The following CSAD variants were observed in gnomAD, a reference collection of about 807,000 sequenced individuals.
CSAD encodes cysteine sulfinic acid decarboxylase.
CSAD carries 47 observed loss-of-function variants against 61.5 expected under a neutral mutation model. The observed-to-expected ratio is 0.76, with a 90% confidence interval of 0.60 to 0.97. The LOEUF (loss-of-function observed/expected upper bound fraction) is 0.97. CSAD is among the 50% of genes least tolerant of loss of function. The pLI is 0.00. For synonymous variants in CSAD, 245 were observed against 252.7 expected (o/e 0.97, Z 0.29); for missense variants, 611 against 643.6 (o/e 0.95, Z 0.55).
intron 1 of CSAD, chr12:53,179,709 C>T: frequency 7.6e-7 from 1 of 1,311,226 alleles, no homozygotes; most frequent in Non-Finnish European, 1.1e-6. Flanking sequence ...TTTTTTTCAT[C>T]ATACAGTTTT....
chr12:53,171,687 C>G (rs1940600130), intron 7 of CSAD, 195 bp downstream of exon 7: 1 of 617,528 alleles, frequency 1.6e-6, no homozygotes, highest in Non-Finnish European at 2.8e-6. Flanking sequence ...AGGAACTAGA[C>G]CACTGACCCC....
chr12:53,180,527 C>A (rs889838194), intron 1 of CSAD: 4 of 1,275,760 alleles, frequency 3.1e-6, no homozygotes, highest in Non-Finnish European at 4.1e-6. Flanking sequence ...CCTCAGCGCT[C>A]CCTCCTCCAT....
Position 53,159,711 on chromosome 12 carries a change from G to C in CSAD, c.1220C>G (p.Pro407Arg). ...CCAGAAACACACATTGACAAACTCA[G>C]GCTGAGAGGAATGAGAAAGAGGAAG... is the stretch of plus-strand genomic sequence containing the variant. ...KREGFELVME[P>R]EFVNVCFWFV... Residue 407 changes from proline (P) to arginine (R), a missense_variant and splice_region_variant, in exon 16 of 17, where the codon CCT becomes CGT. Physicochemically the swap from Pro to Arg is moderately radical, Grantham distance 103. Coordinates refer to ENST00000444623, the MANE Select transcript of CSAD (RefSeq NM_001244705.2). 2 of 1,607,634 alleles carry C rather than the reference G, an allele frequency of 1.2e-6. No homozygotes were observed. Among genetic ancestry groups the C allele is most frequent in the Non-Finnish European group, 1.7e-6 (2 of 1,176,692 alleles).
chr12:53,172,771 G>T, intron 4 of CSAD, 123 bp from the exon 5 acceptor site: 1 of 1,117,872 alleles, frequency 8.9e-7, no homozygotes, highest in Non-Finnish European at 1.2e-6. Flanking sequence ...TATTTCCAAA[G>T]CAAAACTCTG....
intron 1 of CSAD, 170 bp downstream of exon 1, chr12:53,180,562 C>G (rs952058470): frequency 1.3e-5 from 17 of 1,281,850 alleles, no homozygotes; most frequent in Non-Finnish European, 1.7e-5. Context: ...GCGCCGCCCA[C>G]TCACCCAGCT....
intron 2 of CSAD, among the ~76,000 whole-genome samples, chr12:53,178,125 A>G (rs1343869407): frequency 6.6e-6 from 1 of 152,214 alleles, no homozygotes; most frequent in African/African-American, 2.4e-5. Flanking sequence ...GGTTCTGAGT[A>G]AACATGGGAG....
Position 53,170,019 on chromosome 12 carries a change from AC to A in CSAD, c.702+52del, listed in dbSNP as rs958469021. 54 of 1,491,626 alleles carry A rather than the reference AC, an allele frequency of 3.6e-5. 1 individual carries two copies. In the Middle Eastern group the frequency reaches 7.6e-4, roughly 21 times the overall value. 92.4% of individuals were successfully genotyped at this position (1,491,626 alleles called of 1,614,324 possible). Reference sequence around the variant, plus strand: ...GCCTTGAGAAAGGAGAGCCCAAATAACCCTCCAAGACAGTTGGAGGCTATAT... The same window carrying A: ...GCCTTGAGAAAGGAGAGCCCAAATAACCTCCAAGACAGTTGGAGGCTATAT... On this transcript the variant is annotated intron_variant, in intron 10 of 16. Coordinates refer to ENST00000444623, the MANE Select transcript of CSAD (RefSeq NM_001244705.2).
rs199570525 is a variant in CSAD, at chr12:53,170,033, T to C, written c.702+39A>G. On this transcript the variant is annotated intron_variant, in intron 10 of 16. Coordinates refer to ENST00000444623, the MANE Select transcript of CSAD (RefSeq NM_001244705.2). ...GAGCCCAAATAACCCTCCAAGACAGTTGGAGGCTATATCACCCCAGCGAGC... is the reference window on the plus strand; with the variant it reads ...GAGCCCAAATAACCCTCCAAGACAGCTGGAGGCTATATCACCCCAGCGAGC... The C allele has an allele frequency of 7.0e-6, 11 of 1,577,430 alleles. No homozygotes were observed. In the East Asian group the frequency reaches 1.6e-4, roughly 22 times the overall value.
rs1185855739 is a variant in CSAD at position 53,158,581 on chromosome 12, T to C, written c.1412A>G (p.Asn471Ser). ...RGNFFRVVVA[N>S]SALTCADMDF... ...CATATCAGCACAGGTCAGTGCAGAG[T>C]TGGCCACAACCACACGGAAGAAGTT... The change falls in exon 17 of 17, where the codon AAC becomes AGC. Residue 471 changes from asparagine (N) to serine (S), a missense_variant. Asn to Ser is a conservative substitution (Grantham distance 46). Coordinates refer to ENST00000444623, the MANE Select transcript of CSAD (RefSeq NM_001244705.2). 2.5e-6 allele frequency: 4 copies of C among 1,612,610 alleles called. No individual in the cohort carries two copies. Among genetic ancestry groups the C allele is most frequent in the Admixed American group, 1.7e-5 (1 of 59,860 alleles).
intron 8 of CSAD, 123 bp downstream of exon 8, chr12:53,171,203 G>A (rs1171709239): frequency 1.0e-5 from 15 of 1,454,626 alleles, no homozygotes; most frequent in East Asian, 2.4e-5. Flanking sequence ...AAGCACATCC[G>A]CCTGGGGGCA....
At chr12:53,166,008 C>T (rs1312311993) in intron 10 of CSAD, among the ~76,000 whole-genome samples, 1 of 152,212 alleles carries the variant, frequency 6.6e-6, no homozygotes, top group Non-Finnish European at 1.5e-5. Context: ...ACCTTGAAGA[C>T]ATTCTGCTAA....
chr12:53,177,314 T>G lies in CSAD; in HGVS notation c.-50+1788A>C, dbSNP rs190281960. Among the ~76,000 whole-genome samples, 3 of 152,304 alleles carry G rather than the reference T, an allele frequency of 2.0e-5. No homozygotes were observed. The East Asian group carries it at 5.8e-4, about 29-fold the overall frequency. ...GCAAAGACAGAAATGTTTCAAATATTTTCCCATAAAGCATGACTTTTGTCT... is the reference window on the plus strand; with the variant it reads ...GCAAAGACAGAAATGTTTCAAATATGTTCCCATAAAGCATGACTTTTGTCT... On this transcript the variant is annotated intron_variant, in intron 2 of 16. Coordinates refer to ENST00000444623, the MANE Select transcript of CSAD (RefSeq NM_001244705.2).
intron 8 of CSAD, chr12:53,170,724 T>C (rs923364649): frequency 5.7e-5 from 20 of 352,890 alleles, no homozygotes; most frequent in Middle Eastern, 1.6e-3. Flanking sequence ...ATTTGTTTGT[T>C]TTTTTTTTTT....
chr12:53,159,620 T>C lies in CSAD; in HGVS notation c.1308+3A>G, dbSNP rs764153994. 7.5e-6 allele frequency: 12 copies of C among 1,608,892 alleles called. No homozygotes were observed. Among genetic ancestry groups the C allele is most frequent in the Non-Finnish European group, 1.0e-5 (12 of 1,177,636 alleles). ...GGTAAAGAGAGCAGCACAGCACGCC[T>C]ACCTTTGACAGCCTTTCGTGGTAAT... On this transcript the variant is annotated splice_donor_region_variant and intron_variant, in intron 16 of 16. Transcript: ENST00000444623.
In CSAD at chr12:53,159,967, C is replaced by T. The variant is rs192268892; in HGVS notation, c.1167-29G>A. 2.5e-4 allele frequency: 406 copies of T among 1,603,698 alleles called. 1 individual carries two copies. Among genetic ancestry groups the T allele is most frequent in the Admixed American group, 1.5e-3 (86 of 58,430 alleles). On this transcript the variant is annotated intron_variant, in intron 14 of 16. Transcript: ENST00000444623. ...TGAACAGAGAGTGAGAAACCATAGG[C>T]GGGGAGGAAAAGCAGAGATCCAGAC...
intron 2 of CSAD, chr12:53,174,019 T>C (rs1332338858): frequency 1.0e-5 from 5 of 490,444 alleles, no homozygotes; most frequent in Non-Finnish European, 1.9e-5. Context: ...AAACGGGTCA[T>C]ACAGGCCAGG....
At position 53,171,956 on chromosome 12, in the gene CSAD, A is replaced by C; in HGVS notation, c.377T>G (p.Leu126Arg). ...TTTCCTCAGCACCTCCTCTTCCATG[A>C]GCACAAACACGGGGGCGATTTCATA... The part of the protein sequence containing the change: ...YTYEIAPVFV[L>R]MEEEVLRKLR... The change falls in exon 7 of 17, where the codon CTC becomes CGC. Residue 126 changes from leucine to arginine, a missense_variant. Coordinates refer to ENST00000444623, the MANE Select transcript of CSAD (RefSeq NM_001244705.2). The C allele has an allele frequency of 6.2e-7, 1 of 1,613,970 alleles. No individual in the cohort carries two copies. The highest frequency in any genetic ancestry group is 8.5e-7 in the Non-Finnish European group (1 of 1,179,944).
rs1938737278 is a variant in CSAD at position 53,157,850 on chromosome 12, C to T, written c.*661G>A. ...CCAGGGAAAACTATTAACATTTTGC[C>T]ATATTTCATTTTATCAGTCTTTTCC... On this transcript the variant is annotated 3_prime_UTR_variant, in exon 17 of 17. Transcript: ENST00000444623. 1 of 151,878 alleles carries T rather than the reference C, an allele frequency of 6.6e-6. No homozygotes were observed. The highest frequency in any genetic ancestry group is 1.5e-5 in the Non-Finnish European group (1 of 68,012). 9.4% of individuals were successfully genotyped at this position (151,878 alleles called of 1,614,324 possible).
At chr12:53,177,063 T>C (rs1188112864) in intron 2 of CSAD, among the ~76,000 whole-genome samples, 1 of 152,176 alleles carries the variant, frequency 6.6e-6, no homozygotes, top group Non-Finnish European at 1.5e-5. Context: ...AATCAGATTA[T>C]TTATTCTATG....
Sources: allele counts gnomAD v4.1 joint callset (sites outside exome capture counted in the v4.1 genomes callset), GRCh38; gene constraint gnomAD v4.1.1; transcripts MANE v1.5; gene names NCBI Gene and HGNC (gene_info 2026-07-23, HGNC 2026-07-21).